Variants in MED27 observed in about 807,000 individuals in gnomAD.
The protein encoded by MED27 is mediator of RNA polymerase II transcription subunit 27.
MED27 carries 30 observed loss-of-function variants against 38.2 expected under a neutral mutation model. The ratio of observed to expected loss-of-function variants is 0.79; its 90% CI spans 0.59 to 1.07. The LOEUF is 1.07. Among genes scored for constraint, MED27 ranks in the 50% least tolerant of loss-of-function variants. MED27 has a pLI of 0.00. For missense variants in MED27, 289 were observed against 397.5 expected (o/e 0.73, Z 2.32); for synonymous variants, 122 against 153.5 (o/e 0.79, Z 1.52).
chr9:132,066,276 G>C (rs1355064169), intron 2 of MED27, among the ~76,000 whole-genome samples: 1 of 152,174 alleles, frequency 6.6e-6, no homozygotes, highest in Non-Finnish European at 1.5e-5. Context: ...GAATGCATTC[G>C]CAAAAGTGCA....
chr9:132,052,726 A>G (rs1276537888), intron 2 of MED27, among the ~76,000 whole-genome samples: 1 of 127,476 alleles, frequency 7.8e-6, no homozygotes, highest in Non-Finnish European at 1.6e-5. Context: ...GTCCATGTGC[A>G]CACATTATTT....
rs569423075 is a variant in MED27, at chr9:131,960,788, A to G, written c.480-21314T>C. On this transcript the variant is annotated intron_variant, in intron 3 of 7. Coordinates refer to ENST00000292035, the MANE Select transcript of MED27 (RefSeq NM_004269.4). ...ACAAGGGGAGAGTGTCTACCACAAA[A>G]TAAGAGATGAGATGACACAGCTACT... Among the ~76,000 whole-genome samples, 4 of 152,328 alleles carry G rather than the reference A, an allele frequency of 2.6e-5. No individual in the cohort carries two copies. In the East Asian group the frequency reaches 5.8e-4, roughly 22 times the overall value.
chr9:131,890,024 A>C (rs1003028388), intron 5 of MED27, among the ~76,000 whole-genome samples: 6 of 152,216 alleles, frequency 3.9e-5, no homozygotes, highest in Non-Finnish European at 5.9e-5. Context: ...GCCACATTTC[A>C]TTTGGGATGT....
intron 3 of MED27, among the ~76,000 whole-genome samples, chr9:131,940,449 T>C (rs781505641): frequency 1.1e-4 from 17 of 152,248 alleles, no homozygotes; most frequent in Non-Finnish European, 2.2e-4. Context: ...TGAGTCTTGC[T>C]CTATTGCCCA....
intron 3 of MED27, among the ~76,000 whole-genome samples, chr9:132,004,120 C>T (rs1264790276): frequency 1.3e-5 from 2 of 152,164 alleles, no homozygotes; most frequent in Non-Finnish European, 2.9e-5. Context: ...AGCAGGGGAG[C>T]GAATCAGTTC....
chr9:131,869,464 G>A (rs771109147), intron 6 of MED27: 2 of 947,956 alleles, frequency 2.1e-6, no homozygotes, highest in Admixed American at 6.2e-5. Context: ...GTCCCATTGT[G>A]CGGCAAAGCT....
chr9:131,902,593 G>A (rs1337482574), intron 4 of MED27, among the ~76,000 whole-genome samples: 2 of 152,154 alleles, frequency 1.3e-5, no homozygotes, highest in Non-Finnish European at 2.9e-5. Flanking sequence ...AGCTAAAACC[G>A]ATGTTCTTCC....
At position 132,003,528 on chromosome 9, in the gene MED27, A is replaced by G. The variant is rs547071503; in HGVS notation, c.479+10809T>C. Among the ~76,000 whole-genome samples, 7 of 152,272 alleles carry G rather than the reference A, an allele frequency of 4.6e-5. No individual in the cohort carries two copies. In the East Asian group the frequency reaches 1.3e-3, roughly 29 times the overall value. ...TGGGCCTGAAGGGTTGGCTAGAGCA[A>G]GGCTAGACGGGGAGGCAGGGATAGG... On this transcript the variant is annotated intron_variant, in intron 3 of 7. Transcript: ENST00000292035. This position sits in a 1 kb window ranked among gnomAD's most constrained non-coding sequence, Gnocchi z 4.2.
At chr9:132,004,281 A>G (rs1302093488) in intron 3 of MED27, among the ~76,000 whole-genome samples, 1 of 152,194 alleles carries the variant, frequency 6.6e-6, no homozygotes, top group Admixed American at 6.5e-5. Flanking sequence ...TTAAAACAAA[A>G]TGTCCCTATA....
chr9:132,071,267 TCTGAACCACCGAGCAACACTG>T (rs1197915919), intron 2 of MED27, among the ~76,000 whole-genome samples: 8 of 151,366 alleles, frequency 5.3e-5, no homozygotes, highest in Admixed American at 6.6e-5. Flanking sequence ...GAGCCTACGC[TCTGAACCACCGAGCAACACTG>T]CCACTTGATG....
chr9:131,897,478 C>T (rs1386948586), intron 4 of MED27, among the ~76,000 whole-genome samples: 2 of 152,222 alleles, frequency 1.3e-5, no homozygotes, highest in East Asian at 3.8e-4. Flanking sequence ...CACTGAACTA[C>T]ATGCTTGATA....
intron 2 of MED27, among the ~76,000 whole-genome samples, chr9:132,033,345 T>C (rs1414661847): frequency 6.6e-6 from 1 of 152,224 alleles, no homozygotes; most frequent in Non-Finnish European, 1.5e-5. Context: ...AAGAAACTGC[T>C]TTTCTTTTCA....
In MED27 at chr9:131,862,376, C is replaced by T. The variant is rs745728493; in HGVS notation, c.801+687G>A. On this transcript the variant is annotated intron_variant, in intron 7 of 7. Coordinates refer to ENST00000292035, the MANE Select transcript of MED27 (RefSeq NM_004269.4). The surrounding 1 kb of genome is among the most constrained non-coding windows in gnomAD (Gnocchi z 4.6). ...TGAGCATGCTGGCGTGAGAGCATGACGGTGGAACAGCTGGCGGCTACGTCT... is the reference window on the plus strand; with the variant it reads ...TGAGCATGCTGGCGTGAGAGCATGATGGTGGAACAGCTGGCGGCTACGTCT... Among the ~76,000 whole-genome samples the T allele has an allele frequency of 5.9e-5, 9 of 152,130 alleles. No homozygotes were observed. The highest frequency in any genetic ancestry group is 1.9e-4 in the East Asian group (1 of 5,192).
At chr9:131,908,281 C>T (rs993393586) in intron 4 of MED27, among the ~76,000 whole-genome samples, 11 of 150,906 alleles carry the variant, frequency 7.3e-5, no homozygotes, top group African/African-American at 2.2e-4. Context: ...CCCGGCCAGC[C>T]GCCCCGTCCG....
chr9:132,071,674 A>G (rs1321775010), intron 2 of MED27, among the ~76,000 whole-genome samples: 1 of 151,942 alleles, frequency 6.6e-6, no homozygotes. Context: ...TGCCCCATGA[A>G]TGAGCACACG....
intron 3 of MED27, among the ~76,000 whole-genome samples, chr9:131,995,577 C>T (rs543701189): frequency 6.6e-6 from 1 of 152,304 alleles, no homozygotes; most frequent in Non-Finnish European, 1.5e-5. Flanking sequence ...GTTTGCCCTT[C>T]TGACTCACAG....
At chr9:132,039,525 A>G (rs1057188151) in intron 2 of MED27, among the ~76,000 whole-genome samples, 2 of 152,208 alleles carry the variant, frequency 1.3e-5, no homozygotes, top group Non-Finnish European at 2.9e-5. Flanking sequence ...TACTGACTCC[A>G]TCCCGAGGTA....
chr9:131,985,050 T>C (rs537903429), intron 3 of MED27, among the ~76,000 whole-genome samples: 1 of 152,218 alleles, frequency 6.6e-6, no homozygotes, highest in Non-Finnish European at 1.5e-5. Context: ...AGTAGATATT[T>C]ATCTCATTGG....
chr9:131,961,704 A>T (rs996705850), intron 3 of MED27, among the ~76,000 whole-genome samples: 2 of 152,188 alleles, frequency 1.3e-5, no homozygotes, highest in Non-Finnish European at 2.9e-5. Flanking sequence ...CATGCTGGGG[A>T]GGCGCTGCTT....
Sources: allele counts gnomAD v4.1 joint callset (sites outside exome capture counted in the v4.1 genomes callset), GRCh38; gene constraint gnomAD v4.1.1; non-coding constraint Gnocchi (gnomAD v3.1); transcripts MANE v1.5; gene names NCBI Gene and HGNC (gene_info 2026-07-23, HGNC 2026-07-21).